The following PCDHA4 variants were observed in gnomAD, a reference collection of about 807,000 sequenced individuals.
PCDHA4 encodes protocadherin alpha 4, also known as protocadherin alpha-4.
A neutral mutation model predicts 61.4 loss-of-function variants in PCDHA4; 49 were observed. The observed-to-expected ratio is 0.80, with a 90% CI of 0.63 to 1.01. The LOEUF (loss-of-function observed/expected upper bound fraction) is 1.01. Among genes scored for constraint, PCDHA4 ranks in the 50% least tolerant of loss-of-function variants. The pLI is 0.00. For synonymous variants in PCDHA4, 590 were observed against 550.3 expected, an observed-to-expected ratio of 1.07 and a Z score of -1.01; for missense variants, 1,254 against 1,235.8, an observed-to-expected ratio of 1.01 and a Z score of -0.22.
chr5:140,983,387 G>T (rs1417783796), intron 3 of PCDHA4, among the ~76,000 whole-genome samples: 1 of 152,188 alleles, frequency 6.6e-6, no homozygotes, highest in Non-Finnish European at 1.5e-5. Flanking sequence ...CGCTGTGGCA[G>T]TTTTCAGAAA....
chr5:140,864,489 A>C (rs1194272327), intron 1 of PCDHA4: 1 of 152,184 alleles, frequency 6.6e-6, no homozygotes, highest in Admixed American at 6.5e-5. Flanking sequence ...CAGTGGGTGG[A>C]ATTTTAGCCT....
intron 1 of PCDHA4, among the ~76,000 whole-genome samples, chr5:140,889,313 T>G (rs1554183863): frequency 6.6e-6 from 1 of 152,078 alleles, no homozygotes; most frequent in Non-Finnish European, 1.5e-5. Flanking sequence ...ACTGTTGAAG[T>G]TATCTGTATC....
chr5:140,826,192 C>A (rs1297520917), intron 1 of PCDHA4, among the ~76,000 whole-genome samples: 3 of 152,134 alleles, frequency 2.0e-5, no homozygotes, highest in East Asian at 1.9e-4. Flanking sequence ...CTAAAGTTAA[C>A]AATGGTCACA....
At chr5:140,921,992 C>T (rs963694302) in intron 1 of PCDHA4, among the ~76,000 whole-genome samples, 1 of 151,726 alleles carries the variant, frequency 6.6e-6, no homozygotes, top group East Asian at 1.9e-4. Context: ...AAAAAGAGTT[C>T]AATGAAATGA....
chr5:140,863,445 C>A, intron 1 of PCDHA4: 1 of 582,886 alleles, frequency 1.7e-6, no homozygotes, highest in South Asian at 1.4e-5. Flanking sequence ...GTCTTACTCG[C>A]AGCAAAGGAG....
rs544683188 is a variant in PCDHA4 at position 140,871,907 on chromosome 5, C to G, written c.2385+62335C>G. ...TCTTTGTCTTTTAGCAGAGTTTTGC[C>G]TTGATATTTCCACATTGTTAGATCA... On this transcript the variant is annotated intron_variant, in intron 1 of 3. Coordinates refer to ENST00000530339, the MANE Select transcript of PCDHA4 (RefSeq NM_018907.4). Among the ~76,000 whole-genome samples the G allele has an allele frequency of 3.9e-5, 6 of 152,316 alleles. No homozygotes were observed. In the South Asian group the frequency reaches 1.2e-3, roughly 32 times the overall value.
At chr5:140,951,071 C>T (rs246044) in intron 1 of PCDHA4, among the ~76,000 whole-genome samples, 86,232 of 151,532 alleles carry the variant, frequency 0.57, 25,208 homozygotes, top group African/African-American at 0.71. Flanking sequence ...CATTGGCTTT[C>T]TTATATTTTC....
chr5:140,869,344 A>C (rs540952410), intron 1 of PCDHA4: 1 of 1,613,872 alleles, frequency 6.2e-7, no homozygotes, highest in Non-Finnish European at 8.5e-7. Flanking sequence ...AAATCTGCAG[A>C]ATGGCATTTT....
intron 1 of PCDHA4, chr5:140,967,008 A>C: frequency 6.2e-7 from 1 of 1,606,216 alleles, no homozygotes. Context: ...CGCATCAACC[A>C]TCTGGGTGCG....
chr5:140,954,782 C>T (rs894049284), intron 1 of PCDHA4, among the ~76,000 whole-genome samples: 3 of 152,128 alleles, frequency 2.0e-5, no homozygotes, highest in Non-Finnish European at 4.4e-5. Context: ...TTAATTAGAT[C>T]TCATTTGTCA....
Position 140,850,531 on chromosome 5 carries a change from C to T in PCDHA4, c.2385+40959C>T, listed in dbSNP as rs2150488289. 32 of 1,598,158 alleles carry T rather than the reference C, an allele frequency of 2.0e-5. 1 individual carries two copies. The East Asian group carries it at 2.5e-4, about 12-fold the overall frequency. On this transcript the variant is annotated intron_variant, in intron 1 of 3. Coordinates refer to ENST00000530339, the MANE Select transcript of PCDHA4 (RefSeq NM_018907.4). ...GAGAGCGGCCAGGCGCCAAAGTCAT[C>T]GTCGCGGGCGTCAGTGGGTGCCACG...
chr5:140,871,699 C>A, intron 1 of PCDHA4: 1 of 891,286 alleles, frequency 1.1e-6, no homozygotes. Context: ...CTTCTTTAAC[C>A]AATAAATGTC....
chr5:140,876,814 G>C (rs571648883), intron 1 of PCDHA4: 4 of 1,614,226 alleles, frequency 2.5e-6, no homozygotes, highest in Non-Finnish European at 2.5e-6. Flanking sequence ...GGTGGCCGAC[G>C]TGAACGACAA....
At chr5:140,861,094 C>G (rs1554154151) in intron 1 of PCDHA4, 1 of 152,400 alleles carries the variant, frequency 6.6e-6, no homozygotes, top group African/African-American at 2.4e-5. Context: ...CTCCATTGTT[C>G]CTGTACTTTA....
rs185620917 is a variant in PCDHA4 at position 140,854,335 on chromosome 5, G to A, written c.2385+44763G>A. The A allele has an allele frequency of 1.5e-4, 29 of 191,248 alleles. 1 individual carries two copies. Among genetic ancestry groups the A allele is most frequent in the Non-Finnish European group, 2.6e-4 (27 of 105,250 alleles). The allele number at this position is 191,248 out of a possible 1,614,324, so 11.8% of individuals were successfully genotyped here. ...TTGATCAATGGCAAACTTATTTTACGCTCCAGATAGCTAAAACAAACGTTG... is the reference window on the plus strand; with the variant it reads ...TTGATCAATGGCAAACTTATTTTACACTCCAGATAGCTAAAACAAACGTTG... On this transcript the variant is annotated intron_variant, in intron 1 of 3. Coordinates refer to ENST00000530339, the MANE Select transcript of PCDHA4 (RefSeq NM_018907.4).
chr5:140,835,617 G>C (rs2150239590), intron 1 of PCDHA4: 5 of 1,613,774 alleles, frequency 3.1e-6, no homozygotes, highest in Non-Finnish European at 2.5e-6. Context: ...GCTGGACAGC[G>C]CTCTGGACCG....
At chr5:140,821,199 A>T (rs2150108932) in intron 1 of PCDHA4, among the ~76,000 whole-genome samples, 2 of 152,314 alleles carry the variant, frequency 1.3e-5, no homozygotes, top group Middle Eastern at 6.8e-3. Flanking sequence ...AAAACTCAAA[A>T]GTTTTAATTA....
intron 3 of PCDHA4, among the ~76,000 whole-genome samples, chr5:140,990,479 G>A (rs1227837227): frequency 3.3e-5 from 5 of 152,184 alleles, no homozygotes; most frequent in Non-Finnish European, 5.9e-5. Context: ...GTATCAAGCT[G>A]AATAGTGAGG....
At chr5:140,816,690 C>T (rs1338266631) in intron 1 of PCDHA4, 2 of 152,192 alleles carry the variant, frequency 1.3e-5, no homozygotes, top group Non-Finnish European at 2.9e-5. Flanking sequence ...AAGATCTTTA[C>T]TAATCAGGCT....
Sources: allele counts gnomAD v4.1 joint callset (sites outside exome capture counted in the v4.1 genomes callset), GRCh38; gene constraint gnomAD v4.1.1; transcripts MANE v1.5; gene names NCBI Gene and HGNC (gene_info 2026-07-23, HGNC 2026-07-21).